The following RELN variants were observed in gnomAD, a reference collection of about 807,000 sequenced individuals.
The protein encoded by RELN is reelin.
In RELN, 108 loss-of-function variants were observed where a neutral mutation model predicts 427.6. That is an observed-to-expected ratio of 0.25 (90% CI 0.22 to 0.30). The LOEUF (loss-of-function observed/expected upper bound fraction) is 0.30. Among genes scored for constraint, RELN ranks in the 10% least tolerant of loss-of-function variants. The pLI is 1.00. For synonymous variants in RELN, 1,524 were observed against 1,513.4 expected, an observed-to-expected ratio of 1.01 and a Z score of -0.16; for missense variants, 3,715 against 4,302.8, an observed-to-expected ratio of 0.86 and a Z score of 3.82.
rs893215398 is a variant in RELN at position 103,574,960 on chromosome 7, A to G, written c.4303+588T>C. ...TTTTTGTAAAGTACTCTTTTGGCAG[A>G]CTTGGGTTTATCCTAAGATGCATTT... On this transcript the variant is annotated intron_variant, in intron 29 of 64. Coordinates refer to ENST00000428762, the MANE Select transcript of RELN (RefSeq NM_005045.4). Among the ~76,000 whole-genome samples, 9 of 152,198 alleles carry G rather than the reference A, an allele frequency of 5.9e-5. No homozygotes were observed. In the South Asian group the frequency reaches 1.4e-3, roughly 25 times the overall value.
At chr7:103,913,959 G>A (rs1795425100) in intron 2 of RELN, among the ~76,000 whole-genome samples, 1 of 152,144 alleles carries the variant, frequency 6.6e-6, no homozygotes, top group African/African-American at 2.4e-5. Flanking sequence ...TAAGACCTGA[G>A]CTATGGAAGT....
intron 4 of RELN, among the ~76,000 whole-genome samples, chr7:103,765,524 A>G (rs1311380830): frequency 6.6e-6 from 1 of 152,228 alleles, no homozygotes; most frequent in East Asian, 1.9e-4. Context: ...ATCTATATTA[A>G]TTGTTACATG....
chr7:103,761,151 T>A (rs199790177), intron 4 of RELN, among the ~76,000 whole-genome samples: 1 of 152,220 alleles, frequency 6.6e-6, no homozygotes, highest in Admixed American at 6.5e-5. Flanking sequence ...CTCAAAACAA[T>A]TTATCATCTT....
At chr7:103,522,724 T>C (rs1389400115) in intron 47 of RELN, among the ~76,000 whole-genome samples, 1 of 151,344 alleles carries the variant, frequency 6.6e-6, no homozygotes, top group Non-Finnish European at 1.5e-5. Flanking sequence ...ATCTCAAGGG[T>C]CGTCCTGGGT....
chr7:103,479,141 G>A (rs1024744492), intron 63 of RELN, among the ~76,000 whole-genome samples: 3 of 152,152 alleles, frequency 2.0e-5, no homozygotes, highest in Non-Finnish European at 4.4e-5. Context: ...ACTTAGACAC[G>A]TACACAGGAA....
At chr7:103,689,116 T>C (rs770158552) in intron 10 of RELN, among the ~76,000 whole-genome samples, 5 of 152,134 alleles carry the variant, frequency 3.3e-5, no homozygotes, top group Non-Finnish European at 5.9e-5. Flanking sequence ...ATACATGTGA[T>C]CAAATCACAG....
At chr7:103,977,310 C>CAAAAAAAAAAAAAA (rs201026012) in intron 1 of RELN, among the ~76,000 whole-genome samples, 81 of 88,256 alleles carry the variant, frequency 9.2e-4, no homozygotes, top group Middle Eastern at 6.3e-3. Flanking sequence ...GACTCTGTCT[C>CAAAAAAAAAAAAAA]AAAAAAAAAA....
intron 1 of RELN, among the ~76,000 whole-genome samples, chr7:103,933,686 A>C (rs1795914064): frequency 6.6e-6 from 1 of 152,014 alleles, no homozygotes; most frequent in Non-Finnish European, 1.5e-5. Context: ...AAGAGGATGT[A>C]CTCAAGTTCA....
chr7:103,661,181 A>C (rs1833131287), intron 12 of RELN, among the ~76,000 whole-genome samples, 195 bp downstream of exon 12: 2 of 152,104 alleles, frequency 1.3e-5, no homozygotes, highest in Non-Finnish European at 2.9e-5. Flanking sequence ...CCATGACTAG[A>C]TCTCTTTAGG....
chr7:103,940,648 G>A (rs1003158493), intron 1 of RELN, among the ~76,000 whole-genome samples: 17 of 152,216 alleles, frequency 1.1e-4, no homozygotes, highest in Admixed American at 1.1e-3. Context: ...AGCACCTTGA[G>A]GCATAAACCT....
chr7:103,703,462 T>C (rs139038229), intron 8 of RELN, among the ~76,000 whole-genome samples: 1 of 152,224 alleles, frequency 6.6e-6, no homozygotes, highest in East Asian at 1.9e-4. Flanking sequence ...CACCCCTTTG[T>C]CATGTGCCCA....
chr7:103,655,723 T>C (rs1833010119), intron 12 of RELN, among the ~76,000 whole-genome samples: 1 of 152,078 alleles, frequency 6.6e-6, no homozygotes, highest in Non-Finnish European at 1.5e-5. Context: ...AAGACTTTCA[T>C]AGGATGTCCA....
At chr7:103,591,926 T>A (rs1194242596) in intron 27 of RELN, among the ~76,000 whole-genome samples, 1 of 152,146 alleles carries the variant, frequency 6.6e-6, no homozygotes, top group Non-Finnish European at 1.5e-5. Context: ...GTCTCTCCTA[T>A]CTTTAAAAAT....
intron 2 of RELN, among the ~76,000 whole-genome samples, chr7:103,912,669 A>C (rs970876783): frequency 6.6e-6 from 1 of 152,118 alleles, no homozygotes; most frequent in Admixed American, 6.6e-5. Context: ...TAACAATTTG[A>C]AATTTGGCTG....
At position 103,844,957 on chromosome 7, in the gene RELN, C is replaced by G. The variant is rs573990095; in HGVS notation, c.338-11285G>C. Among the ~76,000 whole-genome samples the G allele has an allele frequency of 4.3e-4, 65 of 152,234 alleles. 1 individual carries two copies. In the South Asian group the frequency reaches 0.01, roughly 24 times the overall value. On this transcript the variant is annotated intron_variant, in intron 2 of 64. Transcript: ENST00000428762. ...ATGAAACCCCAGCCAAAGTAAGGAACAAGAGGCAATGATAACCCTTGTCTA... is the reference window on the plus strand; with the variant it reads ...ATGAAACCCCAGCCAAAGTAAGGAAGAAGAGGCAATGATAACCCTTGTCTA...
chr7:103,903,012 T>TA (rs1418719554), intron 2 of RELN, among the ~76,000 whole-genome samples: 2 of 152,138 alleles, frequency 1.3e-5, no homozygotes, highest in African/African-American at 4.8e-5. Context: ...AGAGTATTTA[T>TA]AAGTCAATGA....
At chr7:103,717,377 A>T (rs1408074229) in intron 8 of RELN, among the ~76,000 whole-genome samples, 1 of 150,962 alleles carries the variant, frequency 6.6e-6, no homozygotes, top group Non-Finnish European at 1.5e-5. Context: ...TTCCCTAAAA[A>T]GGTCATCTCT....
chr7:103,872,045 T>TC (rs1794353893), intron 2 of RELN, among the ~76,000 whole-genome samples: 1 of 40,770 alleles, frequency 2.5e-5, no homozygotes, highest in Non-Finnish European at 7.8e-5. Context: ...TCTTTTTTCT[T>TC]TTTTTTCTTT....
intron 42 of RELN, among the ~76,000 whole-genome samples, chr7:103,543,699 C>T (rs1419456091): frequency 6.6e-6 from 1 of 151,792 alleles, no homozygotes; most frequent in African/African-American, 2.4e-5. Flanking sequence ...TCTTTAAAAA[C>T]CAGCTCTTAA....
Sources: allele counts gnomAD v4.1 joint callset (sites outside exome capture counted in the v4.1 genomes callset), GRCh38; gene constraint gnomAD v4.1.1; transcripts MANE v1.5; gene names NCBI Gene and HGNC (gene_info 2026-07-23, HGNC 2026-07-21).